GABBR2: variants seen among roughly 807,000 people sequenced by gnomAD.
GABBR2 encodes the protein gamma-aminobutyric acid type B receptor subunit 2.
In GABBR2, 23 loss-of-function variants were observed where a neutral mutation model predicts 105.6. That is an observed-to-expected ratio of 0.22 (90% CI 0.16 to 0.31). The LOEUF (loss-of-function observed/expected upper bound fraction) is 0.31. Ranked by LOEUF, GABBR2 falls within the 10% of genes least tolerant of loss-of-function variation. The pLI is 1.00. For synonymous variants in GABBR2, 478 were observed against 499.7 expected (o/e 0.96, Z 0.58); for missense variants, 734 against 1,245.5 (o/e 0.59, Z 6.18).
At chr9:98,513,605 C>A (rs1324139457) in intron 3 of GABBR2, among the ~76,000 whole-genome samples, 1 of 151,178 alleles carries the variant, frequency 6.6e-6, no homozygotes, top group Non-Finnish European at 1.5e-5. Flanking sequence ...AGGATATGAA[C>A]AGACACTTCT....
chr9:98,616,553 A>G (rs1385663003), intron 1 of GABBR2, among the ~76,000 whole-genome samples: 2 of 152,310 alleles, frequency 1.3e-5, no homozygotes, highest in South Asian at 2.1e-4. Flanking sequence ...CAGGAGTTCA[A>G]TACCAGCCTG....
intron 12 of GABBR2, 62 bp from the exon 13 acceptor site, chr9:98,362,899 G>A: frequency 7.1e-7 from 1 of 1,411,060 alleles, no homozygotes; most frequent in Non-Finnish European, 9.4e-7. Flanking sequence ...CGCAGCAACT[G>A]GGGGCCCAGG....
chr9:98,633,814 C>T (rs926234429), intron 1 of GABBR2, among the ~76,000 whole-genome samples: 10 of 152,008 alleles, frequency 6.6e-5, no homozygotes, highest in African/African-American at 2.2e-4. Context: ...GGAGAGTCCC[C>T]AAGTTAAAGG....
intron 2 of GABBR2, among the ~76,000 whole-genome samples, chr9:98,559,592 C>T (rs190279726): frequency 6.6e-6 from 1 of 152,042 alleles, no homozygotes; most frequent in Admixed American, 6.5e-5. Context: ...TTACTTTCAG[C>T]TCTTTTAAAT....
At chr9:98,302,074 T>A (rs542058914) in intron 16 of GABBR2, among the ~76,000 whole-genome samples, 1 of 152,348 alleles carries the variant, frequency 6.6e-6, no homozygotes, top group South Asian at 2.1e-4. Flanking sequence ...AAAATATGAT[T>A]GGTTGTTGAT....
chr9:98,349,250 A>T (rs1047823529), intron 13 of GABBR2, among the ~76,000 whole-genome samples: 1 of 151,098 alleles, frequency 6.6e-6, no homozygotes, highest in Non-Finnish European at 1.5e-5. Context: ...TTTACGTTGA[A>T]TCATTCTTGC....
chr9:98,509,604 C>T (rs1221931980), intron 3 of GABBR2, among the ~76,000 whole-genome samples: 10 of 152,096 alleles, frequency 6.6e-5, no homozygotes, highest in Admixed American at 3.3e-4. Context: ...AACCAAGGCA[C>T]GAGAGCTACG....
At chr9:98,308,670 G>A (rs528298367) in intron 14 of GABBR2, among the ~76,000 whole-genome samples, 25 of 152,240 alleles carry the variant, frequency 1.6e-4, no homozygotes, top group African/African-American at 5.5e-4. Context: ...AGAGTCATGC[G>A]GTCACAAGCC....
chr9:98,617,369 C>T (rs1230067845), intron 1 of GABBR2, among the ~76,000 whole-genome samples: 2 of 152,042 alleles, frequency 1.3e-5, no homozygotes, highest in East Asian at 3.9e-4. Context: ...GGAGAGAATC[C>T]TAAAAGGAGT....
intron 3 of GABBR2, among the ~76,000 whole-genome samples, chr9:98,501,128 C>T (rs867319883): frequency 7.0e-6 from 1 of 142,218 alleles, no homozygotes; most frequent in African/African-American, 2.5e-5. Context: ...AACCACTGCC[C>T]CCCCCCCTTC....
intron 1 of GABBR2, among the ~76,000 whole-genome samples, chr9:98,640,307 G>A (rs889700003): frequency 1.3e-5 from 2 of 151,926 alleles, no homozygotes; most frequent in East Asian, 1.9e-4. Context: ...TACATATCCC[G>A]GGGATAGACT....
At chr9:98,446,205 G>T (rs1195442846) in intron 7 of GABBR2, among the ~76,000 whole-genome samples, 1 of 152,248 alleles carries the variant, frequency 6.6e-6, no homozygotes, top group South Asian at 2.1e-4. Flanking sequence ...ATGATTGTTT[G>T]CTGGGTCTTG....
chr9:98,671,390 A>G (rs1468344562), intron 1 of GABBR2, among the ~76,000 whole-genome samples: 2 of 152,218 alleles, frequency 1.3e-5, no homozygotes, highest in African/African-American at 4.8e-5. Context: ...TTGTTTGTCC[A>G]TTCGTCAGTT....
intron 1 of GABBR2, among the ~76,000 whole-genome samples, chr9:98,602,156 A>T (rs1588246674): frequency 7.1e-6 from 1 of 140,966 alleles, no homozygotes; most frequent in Admixed American, 7.1e-5. Context: ...TTGCACCACC[A>T]TGCCTGGTTA....
At chr9:98,562,974 G>T (rs183290625) in intron 2 of GABBR2, among the ~76,000 whole-genome samples, 5 of 150,960 alleles carry the variant, frequency 3.3e-5, no homozygotes, top group South Asian at 2.1e-4. Flanking sequence ...GGGGGCTGAG[G>T]GGGGAGGATC....
intron 5 of GABBR2, among the ~76,000 whole-genome samples, chr9:98,478,995 C>G (rs1488037668): frequency 6.6e-6 from 1 of 152,030 alleles, no homozygotes; most frequent in Non-Finnish European, 1.5e-5. Flanking sequence ...AAATTTGGAC[C>G]ATTATTTTCC....
At chr9:98,481,544 G>A (rs1031669389) in intron 4 of GABBR2, among the ~76,000 whole-genome samples, 1 of 152,148 alleles carries the variant, frequency 6.6e-6, no homozygotes, top group Admixed American at 6.5e-5. Context: ...AGCCTACAGA[G>A]CTTCCCAATT....
intron 3 of GABBR2, among the ~76,000 whole-genome samples, chr9:98,536,633 T>C (rs1304368711): frequency 1.3e-5 from 2 of 152,070 alleles, no homozygotes; most frequent in Non-Finnish European, 2.9e-5. Flanking sequence ...TAAATTCCAG[T>C]GACCTGCACC....
At position 98,317,725 on chromosome 9, in the gene GABBR2, C is replaced by T. The variant is rs140425728; in HGVS notation, c.1894-6520G>A. ...TCATGTGCCTGCTGTGTGTCATGCACCATGTTGGTGTGGGGGTACAGGATG... is the reference window on the plus strand; with the variant it reads ...TCATGTGCCTGCTGTGTGTCATGCATCATGTTGGTGTGGGGGTACAGGATG... On this transcript the variant is annotated intron_variant, in intron 13 of 18. Transcript: ENST00000259455. 3.5e-3 allele frequency among the ~76,000 whole-genome samples: 540 copies of T among 152,332 alleles called. 3 individuals carry two copies. The highest frequency in any genetic ancestry group is 0.012 in the African/African-American group (502 of 41,566).
Sources: allele counts gnomAD v4.1 joint callset (sites outside exome capture counted in the v4.1 genomes callset), GRCh38; gene constraint gnomAD v4.1.1; transcripts MANE v1.5; gene names NCBI Gene and HGNC (gene_info 2026-07-23, HGNC 2026-07-21).